EVC2: variants seen among roughly 807,000 people sequenced by gnomAD.
EVC2 encodes limbin.
EVC2 carries 148 observed loss-of-function variants against 149.3 expected under a neutral mutation model. The ratio of observed to expected loss-of-function variants is 0.99; its 90% confidence interval spans 0.87 to 1.14. The LOEUF is 1.14. Ranked by LOEUF, EVC2 falls within the 50% of genes most tolerant of loss-of-function variation. EVC2 has a pLI of 0.00. For missense variants in EVC2, 1,854 were observed against 1,627.3 expected (o/e 1.14, Z -2.40); for synonymous variants, 776 against 649.9 (o/e 1.19, Z -2.95).
At chr4:5,530,302 C>T in the EVC2 span, among the ~76,000 whole-genome samples, 2 of 152,194 alleles carry the variant, frequency 1.3e-5, no homozygotes, top group African/African-American at 4.8e-5. Flanking sequence ...GACATTGTGC[C>T]TGCAGGCTCA....
chr4:5,563,982 G>T (rs1722112415), intron 21 of EVC2, among the ~76,000 whole-genome samples: 1 of 150,118 alleles, frequency 6.7e-6, no homozygotes, highest in Admixed American at 6.6e-5. Context: ...TCTTGATAAT[G>T]ATCGTGACGA....
At chr4:5,574,191 T>G (rs967765440) in intron 19 of EVC2, among the ~76,000 whole-genome samples, 1 of 152,206 alleles carries the variant, frequency 6.6e-6, no homozygotes, top group Admixed American at 6.5e-5. Context: ...GACAGTCAGG[T>G]ACATGACTGC....
At chr4:5,605,614 G>A (rs946959041) in intron 16 of EVC2, among the ~76,000 whole-genome samples, 5 of 152,190 alleles carry the variant, frequency 3.3e-5, no homozygotes, top group South Asian at 4.1e-4. Flanking sequence ...TTGTGGAATC[G>A]CTCAGATGTT....
chr4:5,598,131 T>C (rs952168928), intron 16 of EVC2, among the ~76,000 whole-genome samples: 3 of 151,050 alleles, frequency 2.0e-5, no homozygotes, highest in South Asian at 4.2e-4. Flanking sequence ...ATCATGAAAA[T>C]GGCCATACTG....
At chr4:5,673,570 C>G (rs909422587) in intron 7 of EVC2, among the ~76,000 whole-genome samples, 1 of 152,212 alleles carries the variant, frequency 6.6e-6, no homozygotes, top group East Asian at 1.9e-4. Flanking sequence ...GGCTTCCCCC[C>G]CAGAGTCCTC....
At chr4:5,707,921 C>T (rs1480772303) in intron 1 of EVC2, 4 of 176,916 alleles carry the variant, frequency 2.3e-5, no homozygotes, top group African/African-American at 9.4e-5. Context: ...TATGTGAGCT[C>T]ATCTAACCCA....
intron 7 of EVC2, among the ~76,000 whole-genome samples, chr4:5,674,812 C>A (rs914992010): frequency 2.0e-5 from 3 of 152,140 alleles, no homozygotes; most frequent in African/African-American, 7.2e-5. Context: ...GGGAAGACCA[C>A]CCCAGCGTGG....
the EVC2 span, among the ~76,000 whole-genome samples, chr4:5,530,160 T>C: frequency 6.6e-6 from 1 of 152,166 alleles, no homozygotes; most frequent in African/African-American, 2.4e-5. Flanking sequence ...CTTCTTGTCA[T>C]TACATGCAAT....
At chr4:5,541,281 CAA>C (rs770770490), downstream of EVC2, among the ~76,000 whole-genome samples, 6 of 152,168 alleles carry the variant, frequency 3.9e-5, no homozygotes, top group Admixed American at 3.3e-4. Context: ...TCAAGCCCCA[CAA>C]AGTCTTTGTT....
Position 5,631,853 on chromosome 4 carries a change from G to C in EVC2, c.1650C>G (p.Phe550Leu). ...IFFTQIKSAI[F>L]KGELKPEAAK... is the part of the protein sequence containing the mutation. ...CTGCCTCTGGTTTCAATTCCCCTTT[G>C]AAAATAGCACTTTTTATCTGGGTAA... Residue 550 changes from phenylalanine to leucine, a missense_variant, in exon 11 of 22, where the codon TTC becomes TTG. Physicochemically the swap from Phe to Leu is conservative, Grantham distance 22 (BLOSUM62 0). Transcript: ENST00000344408. 2 of 1,614,220 alleles carry C rather than the reference G, an allele frequency of 1.2e-6. No individual in the cohort carries two copies. The highest frequency in any genetic ancestry group is 1.7e-6 in the Non-Finnish European group (2 of 1,180,024).
intron 7 of EVC2, among the ~76,000 whole-genome samples, chr4:5,675,742 C>T (rs1045953804): frequency 1.4e-4 from 22 of 152,014 alleles, no homozygotes; most frequent in Non-Finnish European, 2.9e-4. Context: ...GTCCGGAGTT[C>T]AAGACCAGCC....
chr4:5,612,546 C>A (rs990018379), intron 16 of EVC2, among the ~76,000 whole-genome samples: 7 of 152,066 alleles, frequency 4.6e-5, no homozygotes, highest in Non-Finnish European at 8.8e-5. Context: ...AGGGAACAAA[C>A]AGGAAAGAGT....
At chr4:5,559,311 CA>C, downstream of EVC2, among the ~76,000 whole-genome samples, 1 of 152,268 alleles carries the variant, frequency 6.6e-6, no homozygotes, top group Middle Eastern at 3.4e-3. This position sits in a 1 kb window ranked among gnomAD's most constrained non-coding sequence, Gnocchi z 5.0. Context: ...ATAATATAGA[CA>C]CAGATTATTA....
At position 5,679,251 on chromosome 4, in the gene EVC2, G is replaced by T. The variant is rs1466242276; in HGVS notation, c.870+2009C>A. On this transcript the variant is annotated intron_variant, in intron 7 of 21. Coordinates refer to ENST00000344408, the MANE Select transcript of EVC2 (RefSeq NM_147127.5). This position sits in a 1 kb window ranked among gnomAD's most constrained non-coding sequence, Gnocchi z 5.1. The stretch of plus-strand genomic sequence containing the variant: ...GGCTACACTACATTTATTTATTTAT[G>T]TTGAGACAGAGTCTCACTCTGTTAA... 2.6e-5 allele frequency among the ~76,000 whole-genome samples: 4 copies of T among 151,932 alleles called. No individual in the cohort carries two copies. The East Asian group carries it at 7.8e-4, about 30-fold the overall frequency.
intron 21 of EVC2, among the ~76,000 whole-genome samples, chr4:5,556,062 C>G (rs1265264104): frequency 6.6e-6 from 1 of 151,328 alleles, no homozygotes. Context: ...ATCTGTAATA[C>G]CAGCTGCTTG....
Position 5,686,249 on chromosome 4 carries a change from G to A in EVC2, c.707-770C>T, listed in dbSNP as rs1227716771. Among the ~76,000 whole-genome samples, 1 of 151,798 alleles carries A rather than the reference G, an allele frequency of 6.6e-6. No individual in the cohort carries two copies. Among genetic ancestry groups the A allele is most frequent in the Non-Finnish European group, 1.5e-5 (1 of 67,974 alleles). On this transcript the variant is annotated intron_variant, in intron 5 of 21. Coordinates refer to ENST00000344408, the MANE Select transcript of EVC2 (RefSeq NM_147127.5). The surrounding 1 kb of genome is among the most constrained non-coding windows in gnomAD (Gnocchi z 5.4). ...TTTTATTTATTTATTTCTGAGACAG[G>A]CTCTCTCTATGTTGCCCAGACTAGT...
chr4:5,593,121 C>A (rs1354200155), intron 16 of EVC2, among the ~76,000 whole-genome samples: 1 of 152,110 alleles, frequency 6.6e-6, no homozygotes, highest in African/African-American at 2.4e-5. Flanking sequence ...CTTGAGGTCT[C>A]CCCAGCCCTG....
rs534916135 is a variant in EVC2 at position 5,625,021 on chromosome 4, G to T, written c.2046+728C>A. On this transcript the variant is annotated intron_variant, in intron 13 of 21. Coordinates refer to ENST00000344408, the MANE Select transcript of EVC2 (RefSeq NM_147127.5). This position sits in a 1 kb window ranked among gnomAD's most constrained non-coding sequence, Gnocchi z 4.0. Reference sequence around the variant, plus strand: ...GCCAAGTACCAGAGCCTCCCATGGGGTTTGTATTCCCAGGTTCCTCAACTC... The same window carrying T: ...GCCAAGTACCAGAGCCTCCCATGGGTTTTGTATTCCCAGGTTCCTCAACTC... 9.2e-5 allele frequency among the ~76,000 whole-genome samples: 14 copies of T among 152,166 alleles called. No individual in the cohort carries two copies. In the East Asian group the frequency reaches 2.7e-3, roughly 29 times the overall value.
At chr4:5,540,763 A>G (rs1268665716), downstream of EVC2, among the ~76,000 whole-genome samples, 1 of 152,214 alleles carries the variant, frequency 6.6e-6, no homozygotes, top group Non-Finnish European at 1.5e-5. Context: ...AGTCATATCC[A>G]TATTTCAAAG....
Sources: gnomAD v4.1 joint callset for allele counts (sites outside exome capture counted in the v4.1 genomes callset) on GRCh38, gnomAD v4.1.1 for gene constraint, Gnocchi (gnomAD v3.1) non-coding constraint, MANE v1.5 for transcripts, NCBI Gene and HGNC (gene_info 2026-07-23, HGNC 2026-07-21) for gene names.